FOXN3: variants seen among roughly 807,000 people sequenced by gnomAD.
FOXN3 encodes the protein forkhead box protein N3.
A neutral mutation model predicts 38.4 loss-of-function variants in FOXN3; 7 were observed. That is an observed-to-expected ratio of 0.18 (90% confidence interval 0.10 to 0.34). The LOEUF (loss-of-function observed/expected upper bound fraction) is 0.34. Ranked by LOEUF, FOXN3 falls within the 10% of genes least tolerant of loss-of-function variation. FOXN3 has a pLI of 1.00. For missense variants in FOXN3, 456 were observed against 613.4 expected, an observed-to-expected ratio of 0.74 and a Z score of 2.71; for synonymous variants, 230 against 242.2, an observed-to-expected ratio of 0.95 and a Z score of 0.47.
chr14:89,364,418 A>T (rs1001769205), intron 2 of FOXN3: 1 of 151,324 alleles, frequency 6.6e-6, no homozygotes, highest in African/African-American at 2.4e-5. Flanking sequence ...AAGAGAAGTT[A>T]TCATTTCTTT....
At chr14:89,525,793 T>C (rs78477564) in intron 1 of FOXN3, among the ~76,000 whole-genome samples, 3,280 of 152,184 alleles carry the variant, frequency 0.022, 120 homozygotes, top group African/African-American at 0.07. Context: ...ATCGCATCAA[T>C]ACCAAAACCA....
At chr14:89,186,423 C>T (rs550708540) in intron 4 of FOXN3, among the ~76,000 whole-genome samples, 2 of 152,200 alleles carry the variant, frequency 1.3e-5, no homozygotes, top group South Asian at 2.1e-4. Flanking sequence ...CTTCTCCTGA[C>T]TAACAAGTCC....
intron 4 of FOXN3, among the ~76,000 whole-genome samples, chr14:89,220,617 G>A (rs1045712322): frequency 3.9e-5 from 6 of 152,138 alleles, no homozygotes; most frequent in African/African-American, 7.2e-5. Flanking sequence ...GGGCTGGATC[G>A]GGAAGAGAGC....
At chr14:89,444,664 A>G (rs1892457179) in intron 1 of FOXN3, among the ~76,000 whole-genome samples, 1 of 152,128 alleles carries the variant, frequency 6.6e-6, no homozygotes, top group African/African-American at 2.4e-5. Flanking sequence ...CAGAAATAAG[A>G]TTTTGCCCTT....
chr14:89,429,832 T>C lies in FOXN3; in HGVS notation c.-14-17342A>G, dbSNP rs149622116. Among the ~76,000 whole-genome samples, 301 of 152,328 alleles carry C rather than the reference T, an allele frequency of 2.0e-3. 2 individuals carry two copies. The highest frequency in any genetic ancestry group is 7.0e-3 in the African/African-American group (291 of 41,574). ...GGCTATAAATTATTCACTACAACAC[T>C]GATCCCACTCAAGACAAACAGTAAA... On this transcript the variant is annotated intron_variant, in intron 1 of 6. Coordinates refer to the FOXN3 transcript ENST00000345097.
At chr14:89,332,947 GAC>G (rs1419090312) in intron 3 of FOXN3, among the ~76,000 whole-genome samples, 3 of 152,200 alleles carry the variant, frequency 2.0e-5, no homozygotes, top group African/African-American at 7.2e-5. Flanking sequence ...TTCTAAAGAA[GAC>G]ACACAAATAT....
intron 3 of FOXN3, among the ~76,000 whole-genome samples, chr14:89,289,783 G>A: frequency 6.6e-6 from 1 of 152,232 alleles, no homozygotes; most frequent in East Asian, 1.9e-4. Flanking sequence ...GAAAAAAACT[G>A]TACATTTCTC....
At chr14:89,256,973 T>C (rs535755530) in intron 4 of FOXN3, among the ~76,000 whole-genome samples, 4 of 152,332 alleles carry the variant, frequency 2.6e-5, no homozygotes, top group African/African-American at 9.6e-5. Context: ...CCTCAAGATA[T>C]TCATTATTTT....
chr14:89,460,532 G>A (rs1892823531), intron 1 of FOXN3, among the ~76,000 whole-genome samples: 1 of 152,144 alleles, frequency 6.6e-6, no homozygotes, highest in Non-Finnish European at 1.5e-5. Context: ...CCGGGGAGGA[G>A]GAACGTTAGC....
intron 4 of FOXN3, among the ~76,000 whole-genome samples, chr14:89,209,645 C>T (rs1183661368): frequency 6.6e-6 from 1 of 152,174 alleles, no homozygotes; most frequent in African/African-American, 2.4e-5. Flanking sequence ...GTAAACACTT[C>T]TTTATTCAGA....
At chr14:89,477,340 C>G (rs1157152348) in intron 1 of FOXN3, among the ~76,000 whole-genome samples, 2 of 151,984 alleles carry the variant, frequency 1.3e-5, no homozygotes, top group African/African-American at 2.4e-5. Context: ...TTTACACTTC[C>G]TTATCTTCCT....
At chr14:89,415,262 T>C (rs1891662691) in intron 1 of FOXN3, among the ~76,000 whole-genome samples, 1 of 152,182 alleles carries the variant, frequency 6.6e-6, no homozygotes. Context: ...GACAGTAAAG[T>C]AATTTAATTG....
At chr14:89,363,947 A>AATATATATATATATATATATTATATAT (rs1889985948) in intron 2 of FOXN3, among the ~76,000 whole-genome samples, 1 of 111,398 alleles carries the variant, frequency 9.0e-6, no homozygotes, top group African/African-American at 5.2e-5. Context: ...CTGTCTGTAA[A>AATATATATATATATATATATTATATAT]ATATATATAT....
intron 4 of FOXN3, among the ~76,000 whole-genome samples, chr14:89,277,953 AATCT>A (rs773418968): frequency 3.9e-4 from 59 of 151,796 alleles, no homozygotes; most frequent in South Asian, 1.7e-3. Context: ...CACACACCTA[AATCT>A]ATCTGCTTTT....
chr14:89,605,340 A>G (rs1359737596), intron 1 of FOXN3, among the ~76,000 whole-genome samples: 1 of 152,180 alleles, frequency 6.6e-6, no homozygotes. Flanking sequence ...AAATTTCTAA[A>G]GAACCACTAG....
intron 1 of FOXN3, among the ~76,000 whole-genome samples, chr14:89,494,477 G>A (rs952016392): frequency 8.5e-5 from 13 of 152,208 alleles, no homozygotes; most frequent in Non-Finnish European, 1.2e-4. Context: ...TTAAGGTGGT[G>A]CAGCTCTGCA....
chr14:89,572,916 GT>G (rs1895523630), intron 1 of FOXN3, among the ~76,000 whole-genome samples: 3 of 152,224 alleles, frequency 2.0e-5, no homozygotes. Flanking sequence ...ATCGAACAGG[GT>G]TCCATGTGGC....
In FOXN3 at chr14:89,168,172, T is replaced by C. The variant is rs959019311; in HGVS notation, c.852-5203A>G. On this transcript the variant is annotated intron_variant, in intron 5 of 5. Transcript: ENST00000557258. The stretch of plus-strand genomic sequence containing the variant: ...AAGAGACAAGAGAACAGAGAAATGA[T>C]AGAATCTGAACGGCAAAGACTATAA... 1.6e-4 allele frequency among the ~76,000 whole-genome samples: 24 copies of C among 152,190 alleles called. 1 individual carries two copies. The highest frequency in any genetic ancestry group is 1.3e-3 in the Admixed American group (20 of 15,282).
At chr14:89,348,243 G>T (rs551212226) in intron 3 of FOXN3, among the ~76,000 whole-genome samples, 14 of 152,196 alleles carry the variant, frequency 9.2e-5, no homozygotes, top group Non-Finnish European at 1.9e-4. Flanking sequence ...GCAAGGGGCT[G>T]ACGGGTGATT....
Sources: allele counts gnomAD v4.1 joint callset (sites outside exome capture counted in the v4.1 genomes callset), GRCh38; gene constraint gnomAD v4.1.1; transcripts MANE v1.5; gene names NCBI Gene and HGNC (gene_info 2026-07-23, HGNC 2026-07-21).